PLD1: variants seen among roughly 807,000 people sequenced by gnomAD.
PLD1 encodes the protein phospholipase D1, also known as choline phosphatase 1.
Under a neutral mutation model 137.1 loss-of-function variants are expected in PLD1, and 112 were observed. The observed-to-expected ratio is 0.82, with a 90% CI of 0.70 to 0.96. PLD1 has a LOEUF of 0.96. Ranked by LOEUF, PLD1 falls within the 40% of genes least tolerant of loss-of-function variation. The pLI is 0.00. For synonymous variants in PLD1, 431 were observed against 454.7 expected, an observed-to-expected ratio of 0.95 and a Z score of 0.66; for missense variants, 1,321 against 1,342.0, an observed-to-expected ratio of 0.98 and a Z score of 0.24.
At chr3:171,671,603 G>A (rs1712765073) in intron 19 of PLD1, among the ~76,000 whole-genome samples, 1 of 151,814 alleles carries the variant, frequency 6.6e-6, no homozygotes, top group South Asian at 2.1e-4. Context: ...ATAAACATTT[G>A]GTCTCAAGGT....
chr3:171,706,504 C>G (rs1166367158), intron 11 of PLD1, among the ~76,000 whole-genome samples: 1 of 152,074 alleles, frequency 6.6e-6, no homozygotes. Context: ...TTGTCTCCGG[C>G]CCAACCTTTG....
chr3:171,726,241 T>C (rs1718495365), intron 6 of PLD1, among the ~76,000 whole-genome samples, 165 bp from the exon 7 acceptor site: 1 of 151,916 alleles, frequency 6.6e-6, no homozygotes, highest in South Asian at 2.1e-4. Context: ...AGATTAGGAG[T>C]ATATAAACAA....
intron 1 of PLD1, among the ~76,000 whole-genome samples, chr3:171,802,976 G>C (rs1396210646): frequency 6.6e-6 from 1 of 152,176 alleles, no homozygotes; most frequent in Non-Finnish European, 1.5e-5. Context: ...ACTCCCAAGG[G>C]AACTTACAAA....
chr3:171,603,829 C>A (rs1732000162), intron 26 of PLD1, among the ~76,000 whole-genome samples: 1 of 152,110 alleles, frequency 6.6e-6, no homozygotes, highest in Admixed American at 6.6e-5. Context: ...CAGCACTATT[C>A]TCACACCTAA....
intron 23 of PLD1, among the ~76,000 whole-genome samples, chr3:171,640,248 G>T (rs982646704): frequency 6.6e-6 from 1 of 151,420 alleles, no homozygotes; most frequent in African/African-American, 2.4e-5. Context: ...AAAATGTAAG[G>T]TTAGGTTATT....
At chr3:171,620,960 AC>A (rs1384851195) in intron 23 of PLD1, among the ~76,000 whole-genome samples, 1 of 151,926 alleles carries the variant, frequency 6.6e-6, no homozygotes, top group Non-Finnish European at 1.5e-5. Flanking sequence ...CCTGCTTGAC[AC>A]TTGCTGCAGT....
In PLD1 at chr3:171,688,672, T is replaced by A. The variant is rs766543024; in HGVS notation, c.1539+4A>T. ...ACATTTCCATAAAGGTTAAATATACTTACTGGGAGGGAACCCAGAGACGGT... is the reference window on the plus strand; with the variant it reads ...ACATTTCCATAAAGGTTAAATATACATACTGGGAGGGAACCCAGAGACGGT... On this transcript the variant is annotated splice_donor_region_variant and intron_variant, in intron 14 of 26. Transcript: ENST00000351298. 6.2e-7 allele frequency: 1 copy of A among 1,605,590 alleles called. No individual in the cohort carries two copies. Among genetic ancestry groups the A allele is most frequent in the South Asian group, 1.1e-5 (1 of 90,920 alleles).
At chr3:171,802,897 C>G (rs953260449) in intron 1 of PLD1, among the ~76,000 whole-genome samples, 2 of 152,190 alleles carry the variant, frequency 1.3e-5, no homozygotes, top group Non-Finnish European at 2.9e-5. Context: ...AAGCAAGGTA[C>G]ACAGGTGCCA....
chr3:171,730,623 C>G (rs1051134135), intron 6 of PLD1, among the ~76,000 whole-genome samples: 1 of 149,072 alleles, frequency 6.7e-6, no homozygotes, highest in Non-Finnish European at 1.5e-5. Flanking sequence ...TATACAAACA[C>G]CTTTATAATA....
chr3:171,750,291 G>T (rs1355717048), intron 1 of PLD1, among the ~76,000 whole-genome samples: 1 of 152,030 alleles, frequency 6.6e-6, no homozygotes, highest in Non-Finnish European at 1.5e-5. Context: ...CAGAAGAAAG[G>T]GTCAATAAAC....
chr3:171,699,912 C>A, intron 11 of PLD1, 86 bp from the exon 12 acceptor site: 1 of 965,098 alleles, frequency 1.0e-6, no homozygotes, highest in Non-Finnish European at 1.7e-6. Context: ...CAATTTCAGC[C>A]CAATTCAACC....
At position 171,667,768 on chromosome 3, in the gene PLD1, G is replaced by C. The variant is rs530105815; in HGVS notation, c.2230-5598C>G. On this transcript the variant is annotated intron_variant, in intron 19 of 26. Coordinates refer to ENST00000351298, the MANE Select transcript of PLD1 (RefSeq NM_002662.5). ...GTCATCCCCACCACTTACTGTTTGT[G>C]GTTTTGAGATGGAGTCTCTGATGCC... Among the ~76,000 whole-genome samples, 38 of 152,298 alleles carry C rather than the reference G, an allele frequency of 2.5e-4. No individual in the cohort carries two copies. In the South Asian group the frequency reaches 7.7e-3, roughly 31 times the overall value.
intron 25 of PLD1, among the ~76,000 whole-genome samples, chr3:171,610,569 C>T (rs952452772): frequency 2.6e-5 from 4 of 152,102 alleles, no homozygotes; most frequent in African/African-American, 9.7e-5. Flanking sequence ...AATTATTACA[C>T]ATTTAAAAAG....
rs151334488 is a variant in PLD1, at chr3:171,621,084, C to A, written c.2594-564G>T. On this transcript the variant is annotated intron_variant, in intron 23 of 26. Transcript: ENST00000351298. Reference sequence around the variant, plus strand: ...GACTTTGGGTAAATAAAAATGTTGGCAATGAAAAACCACTCCTCCCTTTAG... The same window carrying A: ...GACTTTGGGTAAATAAAAATGTTGGAAATGAAAAACCACTCCTCCCTTTAG... Among the ~76,000 whole-genome samples the A allele has an allele frequency of 2.0e-5, 3 of 151,966 alleles. No homozygotes were observed. The East Asian group carries it at 5.8e-4, about 29-fold the overall frequency.
At position 171,602,038 on chromosome 3, in the gene PLD1, C is replaced by T. The variant is rs1446160971; in HGVS notation, c.*1040G>A. Reference sequence around the variant, plus strand: ...TGTAGCAGAAGACCTGAATGTCAAACAAGGTTAGACTCATACTTACTAACT... The same window carrying T: ...TGTAGCAGAAGACCTGAATGTCAAATAAGGTTAGACTCATACTTACTAACT... On this transcript the variant is annotated 3_prime_UTR_variant, in exon 27 of 27. Coordinates refer to ENST00000351298, the MANE Select transcript of PLD1 (RefSeq NM_002662.5). The T allele has an allele frequency of 4.6e-5, 7 of 152,164 alleles. No homozygotes were observed. Among genetic ancestry groups the T allele is most frequent in the African/African-American group, 1.7e-4 (7 of 41,442 alleles). 9.4% of individuals were successfully genotyped at this position (152,164 alleles called of 1,614,324 possible). A position where few individuals can be genotyped will look rare whatever the true frequency, so the allele number is the denominator to read the frequency against.
At chr3:171,686,651 C>G (rs770859389) in intron 16 of PLD1, 34 bp downstream of exon 16, 2 of 1,096,004 alleles carry the variant, frequency 1.8e-6, no homozygotes, top group Non-Finnish European at 2.8e-6. Flanking sequence ...AAGCTCAAGC[C>G]TAAGGGAGTT....
At chr3:171,770,820 T>C (rs1182483944) in intron 1 of PLD1, among the ~76,000 whole-genome samples, 1 of 146,738 alleles carries the variant, frequency 6.8e-6, no homozygotes, top group African/African-American at 2.6e-5. Flanking sequence ...GCCCAAGAGG[T>C]TGAGACTACA....
At chr3:171,640,426 G>A (rs1735637462) in intron 23 of PLD1, among the ~76,000 whole-genome samples, 1 of 151,816 alleles carries the variant, frequency 6.6e-6, no homozygotes, top group African/African-American at 2.4e-5. Flanking sequence ...TTGATTCTTT[G>A]GTTATTTAGA....
At chr3:171,724,291 C>T (rs1343081559) in intron 8 of PLD1, among the ~76,000 whole-genome samples, 1 of 152,206 alleles carries the variant, frequency 6.6e-6, no homozygotes, top group African/African-American at 2.4e-5. Flanking sequence ...TCTAGTTTCT[C>T]TACACCCTCA....
Sources: gnomAD v4.1 joint callset for allele counts (sites outside exome capture counted in the v4.1 genomes callset) on GRCh38, gnomAD v4.1.1 for gene constraint, MANE v1.5 for transcripts, NCBI Gene and HGNC (gene_info 2026-07-23, HGNC 2026-07-21) for gene names.